SEC61A1: variants seen among roughly 807,000 people sequenced by gnomAD.
The protein encoded by SEC61A1 is protein transport protein Sec61 subunit alpha isoform 1.
A neutral mutation model predicts 55.2 loss-of-function variants in SEC61A1; 15 were observed. The observed-to-expected ratio is 0.27, with a 90% CI of 0.18 to 0.42. The LOEUF is 0.42. SEC61A1 is among the 10% of genes least tolerant of loss of function. The pLI, the probability that SEC61A1 is intolerant of heterozygous loss-of-function variation, is 1.00. For missense variants in SEC61A1, 284 were observed against 602.6 expected, an observed-to-expected ratio of 0.47 and a Z score of 5.53; for synonymous variants, 247 against 234.0, an observed-to-expected ratio of 1.06 and a Z score of -0.51.
chr3:128,066,840 CA>C, intron 8 of SEC61A1, 113 bp from the exon 9 acceptor site: 1 of 959,580 alleles, frequency 1.0e-6, no homozygotes, highest in Non-Finnish European at 1.6e-6. Context: ...CCAGAACCAG[CA>C]CACAGGATTT....
intron 2 of SEC61A1, among the ~76,000 whole-genome samples, chr3:128,053,892 CATG>C (rs145475168): frequency 0.016 from 2,496 of 152,236 alleles, 66 homozygotes; most frequent in African/African-American, 0.057. Context: ...CTCTGGGAGA[CATG>C]ATGTCTTATG....
chr3:128,069,734 T>A lies in SEC61A1; in HGVS notation c.*72T>A. The stretch of plus-strand genomic sequence containing the variant: ...GAAGGGGAGCTCTCATCATGGCGCG[T>A]GCTGCTGCGGCATATGGACTTTTAA... On this transcript the variant is annotated 3_prime_UTR_variant, in exon 12 of 12. Transcript: ENST00000243253. 1 of 1,292,638 alleles carries A rather than the reference T, an allele frequency of 7.7e-7. No homozygotes were observed. Among genetic ancestry groups the A allele is most frequent in the South Asian group, 1.2e-5 (1 of 80,264 alleles). The allele number at this position is 1,292,638 out of a possible 1,614,324, so 80.1% of individuals were successfully genotyped here. A position where few individuals can be genotyped will look rare whatever the true frequency, so the allele number is the denominator to read the frequency against.
chr3:128,053,779 A>G (rs1559793905), intron 2 of SEC61A1, among the ~76,000 whole-genome samples: 2 of 152,214 alleles, frequency 1.3e-5, no homozygotes, highest in Middle Eastern at 3.2e-3. Context: ...CACCCTTTAC[A>G]TAGCACCTTA....
In SEC61A1 at chr3:128,067,880, G is replaced by A. The variant is rs1384143968; in HGVS notation, c.1168-103G>A. ...TTTTAAAGTTCTCTGTATGAATATT[G>A]TCAGTGCTCGAAGAGGCGATCTGTA... On this transcript the variant is annotated intron_variant, in intron 10 of 11. Transcript: ENST00000243253. This position sits in a 1 kb window ranked among gnomAD's most constrained non-coding sequence, Gnocchi z 4.1. 1.1e-6 allele frequency: 1 copy of A among 897,276 alleles called. No individual in the cohort carries two copies. Among genetic ancestry groups the A allele is most frequent in the Non-Finnish European group, 1.8e-6 (1 of 544,548 alleles). The allele number at this position is 897,276 out of a possible 1,614,324, so 55.6% of individuals were successfully genotyped here.
intron 7 of SEC61A1, 134 bp downstream of exon 7, chr3:128,060,795 G>T: frequency 1.1e-6 from 1 of 872,230 alleles, no homozygotes. Flanking sequence ...CTGGTGTTTG[G>T]GTCCATCTGC....
intron 5 of SEC61A1, among the ~76,000 whole-genome samples, chr3:128,057,668 G>T (rs537858347): frequency 6.7e-6 from 1 of 148,366 alleles, no homozygotes; most frequent in East Asian, 2.0e-4. Flanking sequence ...GACCAACCTG[G>T]CCAACATGGT....
intron 5 of SEC61A1, 124 bp downstream of exon 5, chr3:128,056,964 T>C: frequency 1.4e-5 from 9 of 633,076 alleles, no homozygotes; most frequent in South Asian, 1.1e-4. Context: ...TGAGATGGAG[T>C]CTTACTCTGT....
At position 128,069,779 on chromosome 3, in the gene SEC61A1, A is replaced by G; in HGVS notation, c.*117A>G. ...TTTTAATAATGTTTTTGAATTTCGT[A>G]TTCTTTCATTCCACTGTGTAAAGTG... On this transcript the variant is annotated 3_prime_UTR_variant, in exon 12 of 12. Transcript: ENST00000243253. 1.1e-6 allele frequency: 1 copy of G among 907,468 alleles called. No homozygotes were observed. Among genetic ancestry groups the G allele is most frequent in the Non-Finnish European group, 1.7e-6 (1 of 591,546 alleles). 56.2% of individuals were successfully genotyped at this position (907,468 alleles called of 1,614,324 possible). A position where few individuals can be genotyped will look rare whatever the true frequency, so the allele number is the denominator to read the frequency against.
chr3:128,060,229 A>G lies in SEC61A1; in HGVS notation c.462+18A>G, dbSNP rs754232826. On this transcript the variant is annotated intron_variant, in intron 6 of 11. Coordinates refer to ENST00000243253, the MANE Select transcript of SEC61A1 (RefSeq NM_013336.4). ...CCATTCAGGTAATTATTATGCTAAC[A>G]TCTCCCTTTGAGTAGCCCCTCACAC... is the stretch of plus-strand genomic sequence containing the variant. 1.0e-5 allele frequency: 16 copies of G among 1,551,134 alleles called. No homozygotes were observed. Among genetic ancestry groups the G allele is most frequent in the Non-Finnish European group, 1.4e-5 (16 of 1,122,516 alleles).
rs1266915904 is a variant in SEC61A1, at chr3:128,071,132, T to G, written c.*1470T>G. ...GGCAGAGGGGCACACTCTGGAGACC[T>G]TGCTGGCAGTGCTAGCCAGGAAACA... On this transcript the variant is annotated 3_prime_UTR_variant, in exon 12 of 12. Coordinates refer to ENST00000243253, the MANE Select transcript of SEC61A1 (RefSeq NM_013336.4). 1 of 152,324 alleles carries G rather than the reference T, an allele frequency of 6.6e-6. No homozygotes were observed. Among genetic ancestry groups the G allele is most frequent in the African/African-American group, 2.4e-5 (1 of 41,458 alleles). 9.4% of individuals were successfully genotyped at this position (152,324 alleles called of 1,614,324 possible).
In SEC61A1 at chr3:128,060,555, A is replaced by G; in HGVS notation, c.510A>G (p.Gln170=). The G allele has an allele frequency of 6.2e-7, 1 of 1,614,174 alleles. No individual in the cohort carries two copies. The highest frequency in any genetic ancestry group is 2.2e-5 in the East Asian group (1 of 44,892). The change falls in exon 7 of 12, where the codon CAA becomes CAG. Residue 170 remains glutamine (Q), a synonymous_variant. Coordinates refer to ENST00000243253, the MANE Select transcript of SEC61A1 (RefSeq NM_013336.4). ...TCCTACTTTTGGATGAACTCCTGCAAAAAGGATATGGCCTTGGCTCTGGTA... is the reference window on the plus strand; with the variant it reads ...TCCTACTTTTGGATGAACTCCTGCAGAAAGGATATGGCCTTGGCTCTGGTA... ...LIVLLLDELL[Q]KGYGLGSGIS...
At chr3:128,068,793 C>T (rs1419130637) in intron 11 of SEC61A1, 4 of 152,452 alleles carry the variant, frequency 2.6e-5, no homozygotes, top group African/African-American at 9.7e-5. Flanking sequence ...TACAACTACT[C>T]ATCTCTTCCA....
At chr3:128,057,666 T>C (rs1941791680) in intron 5 of SEC61A1, among the ~76,000 whole-genome samples, 1 of 149,444 alleles carries the variant, frequency 6.7e-6, no homozygotes, top group South Asian at 2.1e-4. Context: ...GAGACCAACC[T>C]GGCCAACATG....
At chr3:128,059,429 T>A (rs548007704) in intron 5 of SEC61A1, among the ~76,000 whole-genome samples, 3 of 149,722 alleles carry the variant, frequency 2.0e-5, no homozygotes, top group Admixed American at 1.3e-4. Context: ...GCCAAGATCA[T>A]GCCACCGTAC....
At chr3:128,051,906 G>A (rs774375246), upstream of SEC61A1, 163 of 1,535,584 alleles carry the variant, frequency 1.1e-4, no homozygotes, top group Non-Finnish European at 1.3e-4. Context: ...CAGCGAGGGT[G>A]CTCGGTAAGC....
At chr3:128,069,372 G>T (rs1183175023) in intron 11 of SEC61A1, 104 bp from the exon 12 acceptor site, 5 of 1,041,782 alleles carry the variant, frequency 4.8e-6, no homozygotes, top group African/African-American at 1.6e-5. Context: ...CAGCAGAGGG[G>T]CCTTTGAGGC....
chr3:128,056,912 GT>G (rs1474126767), intron 5 of SEC61A1, 72 bp downstream of exon 5: 2 of 1,190,360 alleles, frequency 1.7e-6, no homozygotes, highest in Admixed American at 3.0e-5. Flanking sequence ...TTTGGTATCA[GT>G]TTTTCTTTTT....
intron 5 of SEC61A1, 71 bp from the exon 6 acceptor site, chr3:128,060,031 G>A (rs1941830954): frequency 9.0e-7 from 1 of 1,112,124 alleles, no homozygotes; most frequent in Non-Finnish European, 1.4e-6. Flanking sequence ...CGTTGAATTG[G>A]TGTTTCTTAA....
intron 6 of SEC61A1, 85 bp downstream of exon 6, chr3:128,060,296 A>G (rs1941833542): frequency 5.3e-6 from 6 of 1,139,764 alleles, no homozygotes; most frequent in Admixed American, 3.6e-5. Context: ...GCACACCTAA[A>G]AGGAACTCCT....
Sources: allele counts gnomAD v4.1 joint callset (sites outside exome capture counted in the v4.1 genomes callset), GRCh38; gene constraint gnomAD v4.1.1; non-coding constraint Gnocchi (gnomAD v3.1); transcripts MANE v1.5; gene names NCBI Gene and HGNC (gene_info 2026-07-23, HGNC 2026-07-21).